Variants in GALNTL6 observed in about 807,000 individuals in gnomAD.
GALNTL6 encodes polypeptide N-acetylgalactosaminyltransferase like 6.
GALNTL6 carries 46 observed loss-of-function variants against 73.7 expected under a neutral mutation model. That is an observed-to-expected ratio of 0.62 (90% CI 0.49 to 0.80). GALNTL6 has a LOEUF of 0.80. Among genes scored for constraint, GALNTL6 ranks in the 30% least tolerant of loss-of-function variants. GALNTL6 has a pLI of 0.00. For missense variants in GALNTL6, 604 were observed against 755.0 expected (o/e 0.80, Z 2.34); for synonymous variants, 259 against 263.7 (o/e 0.98, Z 0.17).
chr4:172,435,100 G>A (rs1731586663), intron 5 of GALNTL6, among the ~76,000 whole-genome samples: 1 of 152,008 alleles, frequency 6.6e-6, no homozygotes, highest in African/African-American at 2.4e-5. Flanking sequence ...CTTTTTCCCT[G>A]ACATTGTTAA....
intron 10 of GALNTL6, 40 bp from the exon 11 acceptor site, chr4:173,009,138 G>C: frequency 7.4e-7 from 1 of 1,342,886 alleles, no homozygotes; most frequent in East Asian, 2.3e-5. Context: ...GATAAAATAC[G>C]ACATAGCCCC....
intron 5 of GALNTL6, among the ~76,000 whole-genome samples, chr4:172,682,444 G>A (rs1732680065): frequency 1.3e-5 from 2 of 151,934 alleles, no homozygotes; most frequent in Admixed American, 1.3e-4. Flanking sequence ...GTGAAATGAA[G>A]GATAAGTTCA....
At chr4:172,669,298 C>A (rs1290920274) in intron 5 of GALNTL6, 1 of 152,122 alleles carries the variant, frequency 6.6e-6, no homozygotes, top group Non-Finnish European at 1.5e-5. Context: ...CATATTAATA[C>A]TTTTATCCAC....
At chr4:171,818,593 C>A (rs189197143) in intron 2 of GALNTL6, among the ~76,000 whole-genome samples, 1 of 147,822 alleles carries the variant, frequency 6.8e-6, no homozygotes. Flanking sequence ...AAAAAAAAGC[C>A]TAGGTCCTCT....
chr4:172,721,031 C>T (rs1735439979), intron 5 of GALNTL6, among the ~76,000 whole-genome samples: 1 of 152,112 alleles, frequency 6.6e-6, no homozygotes, highest in Non-Finnish European at 1.5e-5. Context: ...AAGTATTTCT[C>T]CTTCTTTCTG....
At chr4:172,709,241 C>T (rs571086219) in intron 5 of GALNTL6, among the ~76,000 whole-genome samples, 1 of 152,250 alleles carries the variant, frequency 6.6e-6, no homozygotes, top group Admixed American at 6.5e-5. Context: ...CCTCTCCCCT[C>T]CAAGCACCCC....
At chr4:172,892,884 G>A (rs569198182) in intron 8 of GALNTL6, among the ~76,000 whole-genome samples, 3 of 152,292 alleles carry the variant, frequency 2.0e-5, no homozygotes. Context: ...TACATCACCA[G>A]GAAATCCACA....
chr4:172,001,560 G>A (rs1340413682), intron 2 of GALNTL6, among the ~76,000 whole-genome samples: 1 of 152,102 alleles, frequency 6.6e-6, no homozygotes, highest in Non-Finnish European at 1.5e-5. Context: ...TGCTTTCTGG[G>A]CCAATAAGCT....
intron 2 of GALNTL6, among the ~76,000 whole-genome samples, chr4:171,928,003 T>C (rs1254145692): frequency 3.3e-5 from 5 of 152,202 alleles, no homozygotes; most frequent in Non-Finnish European, 1.5e-5. Flanking sequence ...TTCATGATTG[T>C]ATTCCCAGTA....
At chr4:172,160,340 G>A (rs1197951313) in intron 2 of GALNTL6, among the ~76,000 whole-genome samples, 1 of 151,192 alleles carries the variant, frequency 6.6e-6, no homozygotes, top group African/African-American at 2.4e-5. Flanking sequence ...TAATCTGAGA[G>A]GACTGAAAGA....
intron 2 of GALNTL6, among the ~76,000 whole-genome samples, chr4:172,065,070 A>G (rs1731318501): frequency 1.3e-5 from 2 of 152,068 alleles, no homozygotes; most frequent in South Asian, 4.2e-4. Context: ...AAAATATCTT[A>G]GAGTTGGTGT....
intron 2 of GALNTL6, among the ~76,000 whole-genome samples, chr4:171,888,584 T>A (rs1361227106): frequency 6.6e-6 from 1 of 151,946 alleles, no homozygotes; most frequent in Non-Finnish European, 1.5e-5. Flanking sequence ...GGGACAGATG[T>A]AAAGGAAATA....
chr4:171,862,785 A>G (rs1380832618), intron 2 of GALNTL6, among the ~76,000 whole-genome samples: 1 of 152,130 alleles, frequency 6.6e-6, no homozygotes, highest in Non-Finnish European at 1.5e-5. Context: ...GAGTCAACTG[A>G]TCAAATATAA....
At chr4:172,574,844 T>C (rs559863983) in intron 5 of GALNTL6, among the ~76,000 whole-genome samples, 3 of 152,206 alleles carry the variant, frequency 2.0e-5, no homozygotes, top group Admixed American at 2.0e-4. Flanking sequence ...GTTTTACTAC[T>C]TTGCATTTAC....
intron 5 of GALNTL6, among the ~76,000 whole-genome samples, chr4:172,416,087 C>T (rs1368535889): frequency 6.6e-6 from 1 of 152,090 alleles, no homozygotes; most frequent in Non-Finnish European, 1.5e-5. Flanking sequence ...GTATGAAGGT[C>T]TCGAAATGTA....
At chr4:172,159,545 A>T (rs1365962808) in intron 2 of GALNTL6, among the ~76,000 whole-genome samples, 2 of 152,198 alleles carry the variant, frequency 1.3e-5, no homozygotes, top group Non-Finnish European at 2.9e-5. Flanking sequence ...TCAAGTGTAG[A>T]GAGGAGAATC....
intron 5 of GALNTL6, among the ~76,000 whole-genome samples, chr4:172,584,962 G>A (rs1248699119): frequency 6.6e-6 from 1 of 152,152 alleles, no homozygotes; most frequent in East Asian, 1.9e-4. Context: ...CTAAATGCCT[G>A]AGCAGTACTG....
At chr4:172,081,593 G>C (rs1002797749) in intron 2 of GALNTL6, among the ~76,000 whole-genome samples, 10 of 152,152 alleles carry the variant, frequency 6.6e-5, no homozygotes, top group African/African-American at 2.4e-4. Flanking sequence ...AGCCGAGATT[G>C]CACCACTGCA....
At chr4:172,571,871 C>T (rs1188121112) in intron 5 of GALNTL6, among the ~76,000 whole-genome samples, 1 of 152,210 alleles carries the variant, frequency 6.6e-6, no homozygotes, top group Non-Finnish European at 1.5e-5. Flanking sequence ...ACCGTTTTCT[C>T]ACTCAAATGG....
Sources: allele counts gnomAD v4.1 joint callset (sites outside exome capture counted in the v4.1 genomes callset), GRCh38; gene constraint gnomAD v4.1.1; transcripts MANE v1.5; gene names NCBI Gene and HGNC (gene_info 2026-07-23, HGNC 2026-07-21).